Variants in AMOT observed in about 807,000 individuals in gnomAD.
The protein encoded by AMOT is angiomotin.
In AMOT, 11 loss-of-function variants were observed where a neutral mutation model predicts 67.0. That is an observed-to-expected ratio of 0.16 (90% CI 0.10 to 0.27). AMOT has a LOEUF of 0.27. Among genes scored for constraint, AMOT ranks in the 10% least tolerant of loss-of-function variants. AMOT has a pLI of 1.00. For missense variants in AMOT, 753 were observed against 852.0 expected, an observed-to-expected ratio of 0.88 and a Z score of 1.45; for synonymous variants, 326 against 321.4, an observed-to-expected ratio of 1.01 and a Z score of -0.15.
intron 13 of AMOT, 105 bp downstream of exon 13, chrX:112,778,892 A>T: frequency 1.1e-6 from 1 of 897,925 alleles, no homozygotes; most frequent in South Asian, 2.4e-5. Flanking sequence ...AACGTGAAAA[A>T]CTCAGTCCAA....
At chrX:112,834,836 C>T (rs1055718548) in intron 1 of AMOT, among the ~76,000 whole-genome samples, 1 of 112,690 alleles carries the variant, frequency 8.9e-6, no homozygotes, top group Non-Finnish European at 1.9e-5. Flanking sequence ...TTTCAACTAA[C>T]GTTTCTTTTT....
chrX:112,810,023 G>T, intron 6 of AMOT, 37 bp from the exon 7 acceptor site: 1 of 1,105,216 alleles, frequency 9.0e-7, no homozygotes, highest in Non-Finnish European at 1.2e-6. Context: ...GGTCTCAAAT[G>T]TAAACTTTCA....
intron 2 of AMOT, among the ~76,000 whole-genome samples, chrX:112,829,869 C>G (rs1029083739): frequency 2.7e-5 from 3 of 112,010 alleles, no homozygotes; most frequent in Non-Finnish European, 5.6e-5. Context: ...CTCCCTCTAT[C>G]TCCCAGCACA....
chrX:112,801,194 C>T (rs1303102601), intron 8 of AMOT, among the ~76,000 whole-genome samples: 2 of 111,449 alleles, frequency 1.8e-5, no homozygotes, highest in Non-Finnish European at 3.8e-5. Flanking sequence ...AGACATCCAT[C>T]GAAAATCTCC....
chrX:112,803,443 T>C (rs1341981481), intron 8 of AMOT, among the ~76,000 whole-genome samples: 2 of 112,336 alleles, frequency 1.8e-5, no homozygotes, highest in African/African-American at 6.5e-5. Flanking sequence ...AAGGATGCAA[T>C]AAGCTCCTTA....
intron 4 of AMOT, among the ~76,000 whole-genome samples, chrX:112,818,320 G>A (rs1426672233): frequency 1.8e-5 from 2 of 110,946 alleles, no homozygotes; most frequent in Admixed American, 1.9e-4. Context: ...TGCATTCCCT[G>A]GACAACAGCA....
At chrX:112,790,836 T>A (rs145233151) in intron 9 of AMOT, 54 bp from the exon 10 acceptor site, 92 of 1,030,971 alleles carry the variant, frequency 8.9e-5, no homozygotes, top group East Asian at 2.7e-4. Context: ...AACCATGGTG[T>A]CTGAGCCCCT....
chrX:112,823,275 G>T, intron 3 of AMOT, 87 bp from the exon 4 acceptor site: 1 of 551,865 alleles, frequency 1.8e-6, no homozygotes, highest in East Asian at 3.7e-5. Flanking sequence ...TGGAGGGTGA[G>T]GATTCGATTG....
At chrX:112,809,760 T>C in intron 7 of AMOT, 134 bp downstream of exon 7, 1 of 515,487 alleles carries the variant, frequency 1.9e-6, no homozygotes, top group Non-Finnish European at 3.2e-6. Flanking sequence ...CATGCCTGAA[T>C]AGGAAAAACA....
intron 5 of AMOT, among the ~76,000 whole-genome samples, chrX:112,814,932 G>T (rs1331622436): frequency 8.9e-6 from 1 of 111,879 alleles, no homozygotes. Context: ...GATTTTTCTA[G>T]GAACTACATT....
At chrX:112,831,524 A>C (rs773644929) in intron 2 of AMOT, among the ~76,000 whole-genome samples, 4 of 110,355 alleles carry the variant, frequency 3.6e-5, no homozygotes, top group Non-Finnish European at 7.6e-5. Context: ...GCTCCCAGTC[A>C]GGCAGAGGAG....
chrX:112,791,758 C>A, intron 9 of AMOT, 74 bp downstream of exon 9: 2 of 1,152,473 alleles, frequency 1.7e-6, no homozygotes, highest in Non-Finnish European at 2.3e-6. Context: ...CAAATGCTAA[C>A]TGAAAAATAA....
intron 1 of AMOT, among the ~76,000 whole-genome samples, chrX:112,833,171 G>A (rs1339621657): frequency 2.7e-5 from 3 of 111,890 alleles, no homozygotes; most frequent in African/African-American, 9.8e-5. Flanking sequence ...CTAAAGTGAT[G>A]CGGGGAAAGG....
rs55909349 is a variant in AMOT at position 112,805,370 on chromosome X, TACACACACACAC to T, written c.1631-290_1631-279del. Reference sequence around the variant, plus strand: ...AAATTATTAGGCATTATACAAAGAATACACACACACACACACACACACACACACACACACACA... The same window carrying T: ...AAATTATTAGGCATTATACAAAGAATACACACACACACACACACACACACA... On this transcript the variant is annotated intron_variant, in intron 7 of 13. Transcript: ENST00000371959. Among the ~76,000 whole-genome samples, 722 of 89,545 alleles carry T rather than the reference TACACACACACAC, an allele frequency of 8.1e-3. 17 individuals are homozygous for T. The highest frequency in any genetic ancestry group is 0.024 in the African/African-American group (616 of 25,272). 77.8% of individuals were successfully genotyped at this position (89,545 alleles called of 115,157 possible). A position where few individuals can be genotyped will look rare whatever the true frequency, so the allele number is the denominator to read the frequency against.
chrX:112,782,302 G>A (rs1933210648), intron 11 of AMOT, among the ~76,000 whole-genome samples: 2 of 112,201 alleles, frequency 1.8e-5, no homozygotes, highest in Admixed American at 9.4e-5. Flanking sequence ...CTCAGGCAGA[G>A]GGAAGAGGAA....
rs532875121 is a variant in AMOT at position 112,833,045 on chromosome X, G to C, written c.-288-675C>G. On this transcript the variant is annotated intron_variant, in intron 1 of 13. Coordinates refer to ENST00000371959, the MANE Select transcript of AMOT (RefSeq NM_001113490.2). The stretch of plus-strand genomic sequence containing the variant: ...GCCTTCCCAAGAAGGACTAAGGTGA[G>C]ATTAAACCACAAATCATATAACCCA... Among the ~76,000 whole-genome samples the C allele has an allele frequency of 9.8e-5, 11 of 111,989 alleles. No homozygotes were observed. The East Asian group carries it at 2.0e-3, about 20-fold the overall frequency.
chrX:112,839,129 G>A (rs960141451), intron 1 of AMOT, among the ~76,000 whole-genome samples: 1 of 112,274 alleles, frequency 8.9e-6, no homozygotes, highest in Non-Finnish European at 1.9e-5. Context: ...TAAAATGTAT[G>A]TTAATAATGT....
chrX:112,803,481 T>C (rs1353330147), intron 8 of AMOT, among the ~76,000 whole-genome samples: 1 of 112,329 alleles, frequency 8.9e-6, no homozygotes, highest in Non-Finnish European at 1.9e-5. Context: ...AGTACAAGTC[T>C]TCCTCATTTT....
chrX:112,791,293 G>A lies in AMOT; in HGVS notation c.1927-511C>T, dbSNP rs759096696. On this transcript the variant is annotated intron_variant, in intron 9 of 13. Coordinates refer to ENST00000371959, the MANE Select transcript of AMOT (RefSeq NM_001113490.2). Reference sequence around the variant, plus strand: ...AATCCCAACTACTCGGGAGGCTGACGCAGGAGAATTGCTTGAACATGGAAG... The same window carrying A: ...AATCCCAACTACTCGGGAGGCTGACACAGGAGAATTGCTTGAACATGGAAG... Among the ~76,000 whole-genome samples, 6 of 110,660 alleles carry A rather than the reference G, an allele frequency of 5.4e-5. No homozygotes were observed. The East Asian group carries it at 8.5e-4, about 16-fold the overall frequency.
Sources: gnomAD v4.1 joint callset for allele counts (sites outside exome capture counted in the v4.1 genomes callset) on GRCh38, gnomAD v4.1.1 for gene constraint, MANE v1.5 for transcripts, NCBI Gene and HGNC (gene_info 2026-07-23, HGNC 2026-07-21) for gene names.